SLC14A2: variants seen among roughly 807,000 people sequenced by gnomAD.
SLC14A2 encodes the protein solute carrier family 14 member 2.
SLC14A2 carries 91 observed loss-of-function variants against 104.6 expected under a neutral mutation model. That is an observed-to-expected ratio of 0.87 (90% CI 0.73 to 1.04). The LOEUF (loss-of-function observed/expected upper bound fraction) is 1.04. Ranked by LOEUF, SLC14A2 falls within the 50% of genes least tolerant of loss-of-function variation. The pLI, the probability that SLC14A2 is intolerant of heterozygous loss-of-function variation, is 0.00. For missense variants in SLC14A2, 1,189 were observed against 1,156.0 expected, an observed-to-expected ratio of 1.03 and a Z score of -0.41; for synonymous variants, 476 against 466.4, an observed-to-expected ratio of 1.02 and a Z score of -0.27.
intron 1 of SLC14A2, among the ~76,000 whole-genome samples, chr18:45,321,288 G>C (rs1050731638): frequency 3.3e-5 from 5 of 152,120 alleles, no homozygotes; most frequent in African/African-American, 1.2e-4. Flanking sequence ...CCACAACAAG[G>C]GGACCATATG....
At position 45,250,751 on chromosome 18, in the gene SLC14A2, C is replaced by CTGACTTTTTTTTTTTTTT. The variant is rs1165070845; in HGVS notation, c.-125+37561_-125+37562insGACTTTTTTTTTTTTTTT. 6.0e-3 allele frequency among the ~76,000 whole-genome samples: 681 copies of CTGACTTTTTTTTTTTTTT among 113,692 alleles called. 33 individuals are homozygous for CTGACTTTTTTTTTTTTTT. The highest frequency in any genetic ancestry group is 7.5e-3 in the Non-Finnish European group (430 of 57,462). The allele number at this position is 113,692 out of a possible 152,430, so 74.6% of individuals were successfully genotyped here. The stretch of plus-strand genomic sequence containing the variant: ...AACTGAATCCTCTGGCTAGTGGCTT[C>CTGACTTTTTTTTTTTTTT]TTCCTTTTTTTTTTTTTTTTTTTTT... On this transcript the variant is annotated intron_variant, in intron 1 of 20. Coordinates refer to the SLC14A2 transcript ENST00000586448.
At chr18:45,369,252 C>T (rs1290354823) in intron 1 of SLC14A2, among the ~76,000 whole-genome samples, 1 of 152,222 alleles carries the variant, frequency 6.6e-6, no homozygotes, top group Non-Finnish European at 1.5e-5. Flanking sequence ...GGAAATTCCA[C>T]ATCCATCTTT....
At chr18:45,368,096 G>A (rs1207072232) in intron 1 of SLC14A2, among the ~76,000 whole-genome samples, 1 of 151,930 alleles carries the variant, frequency 6.6e-6, no homozygotes, top group Non-Finnish European at 1.5e-5. Flanking sequence ...CATCCTCCAA[G>A]CAGATTTAAT....
intron 1 of SLC14A2, among the ~76,000 whole-genome samples, chr18:45,236,628 G>T (rs2084257265): frequency 6.7e-6 from 1 of 149,242 alleles, no homozygotes; most frequent in African/African-American, 2.5e-5. Flanking sequence ...TATATGTGTG[G>T]GTGTATACAC....
chr18:45,443,659 GTAGGGCAGAGGGGTTCTAGTTTCTA>G (rs1362447739), intron 1 of SLC14A2, among the ~76,000 whole-genome samples: 1 of 152,160 alleles, frequency 6.6e-6, no homozygotes, highest in East Asian at 1.9e-4. Flanking sequence ...GTGATCTTCT[GTAGGGCAGAGGGGTTCTAGTTTCTA>G]TGGCTAGCCT....
intron 1 of SLC14A2, among the ~76,000 whole-genome samples, chr18:45,384,032 C>A (rs139503216): frequency 6.6e-6 from 1 of 152,124 alleles, no homozygotes; most frequent in Non-Finnish European, 1.5e-5. Flanking sequence ...CAAGGAAGGT[C>A]CCTGGGTTGG....
At position 45,478,206 on chromosome 18, in the gene SLC14A2, A is replaced by T. The variant is rs539540417; in HGVS notation, c.-124-5027A>T. Among the ~76,000 whole-genome samples, 6 of 152,346 alleles carry T rather than the reference A, an allele frequency of 3.9e-5. No individual in the cohort carries two copies. The South Asian group carries it at 1.2e-3, about 32-fold the overall frequency. ...CAGAATGCACTGTTCCTCAAGGCAC[A>T]GTCCCTCATGGCTTCCCTTGAATAG... is the stretch of plus-strand genomic sequence containing the variant. On this transcript the variant is annotated intron_variant, in intron 1 of 20. Transcript: ENST00000586448.
the SLC14A2 span, among the ~76,000 whole-genome samples, chr18:45,187,661 C>T: frequency 5.3e-5 from 8 of 152,006 alleles, no homozygotes; most frequent in East Asian, 1.9e-4. Context: ...ACCTTATGCC[C>T]GTCCAGAAAA....
At chr18:45,392,429 G>A (rs1406230762) in intron 1 of SLC14A2, among the ~76,000 whole-genome samples, 4 of 152,200 alleles carry the variant, frequency 2.6e-5, no homozygotes, top group Admixed American at 1.3e-4. Flanking sequence ...TCACAGTGCA[G>A]CATGGTAATC....
At chr18:45,449,229 C>A (rs2086820156) in intron 1 of SLC14A2, among the ~76,000 whole-genome samples, 1 of 152,186 alleles carries the variant, frequency 6.6e-6, no homozygotes, top group African/African-American at 2.4e-5. Context: ...GCTCTTCAGA[C>A]AAACAAGGAT....
chr18:45,346,205 G>A (rs2085446453), intron 1 of SLC14A2, among the ~76,000 whole-genome samples: 6 of 152,094 alleles, frequency 3.9e-5, no homozygotes, highest in Admixed American at 3.9e-4. Context: ...GCCTAGGCTG[G>A]AGTACAGTGG....
At chr18:45,381,017 C>A (rs184790438) in intron 1 of SLC14A2, among the ~76,000 whole-genome samples, 1 of 152,308 alleles carries the variant, frequency 6.6e-6, no homozygotes, top group East Asian at 1.9e-4. Context: ...GATCTGTGGA[C>A]TTTCTTGAAT....
At chr18:45,512,006 C>G (rs111959374) in intron 2 of SLC14A2, among the ~76,000 whole-genome samples, 48 of 152,294 alleles carry the variant, frequency 3.2e-4, no homozygotes, top group Middle Eastern at 3.4e-3. Context: ...GAAAAATGGG[C>G]TCTCAGCTCT....
At chr18:45,176,899 C>T in the SLC14A2 span, among the ~76,000 whole-genome samples, 1 of 152,160 alleles carries the variant, frequency 6.6e-6, no homozygotes, top group Non-Finnish European at 1.5e-5. Context: ...AAATTAAGCC[C>T]AAACCTTTAT....
chr18:45,519,195 T>A (rs2144805172), intron 2 of SLC14A2, among the ~76,000 whole-genome samples: 1 of 152,332 alleles, frequency 6.6e-6, no homozygotes, highest in East Asian at 1.9e-4. Flanking sequence ...TGCAGAGTTA[T>A]ATCCTTAGGG....
chr18:45,168,993 A>G, the SLC14A2 span: 1 of 152,146 alleles, frequency 6.6e-6, no homozygotes, highest in Non-Finnish European at 1.5e-5. Flanking sequence ...TTTCTGCTGC[A>G]TATGGGGCCT....
intron 1 of SLC14A2, among the ~76,000 whole-genome samples, chr18:45,382,273 A>G (rs2085846808): frequency 6.7e-6 from 1 of 149,260 alleles, no homozygotes; most frequent in Admixed American, 6.9e-5. Flanking sequence ...TACTTGTGCT[A>G]GATGTTGGGA....
chr18:45,370,034 AT>A (rs1326879913), intron 1 of SLC14A2, among the ~76,000 whole-genome samples: 2 of 152,212 alleles, frequency 1.3e-5, no homozygotes, highest in Non-Finnish European at 2.9e-5. Flanking sequence ...AGGCAAAGCC[AT>A]CTTCTCTAAC....
intron 8 of SLC14A2, among the ~76,000 whole-genome samples, chr18:45,641,549 A>G (rs1189792512): frequency 6.6e-6 from 1 of 152,242 alleles, no homozygotes; most frequent in Non-Finnish European, 1.5e-5. Flanking sequence ...ACCGAATGGT[A>G]TTATACTTAC....
Sources: gnomAD v4.1 joint callset for allele counts (sites outside exome capture counted in the v4.1 genomes callset) on GRCh38, gnomAD v4.1.1 for gene constraint, MANE v1.5 for transcripts, NCBI Gene and HGNC (gene_info 2026-07-23, HGNC 2026-07-21) for gene names.